HERC1: variants seen among roughly 807,000 people sequenced by gnomAD.
HERC1 encodes the protein HECT and RLD domain containing E3 ubiquitin protein ligase family member 1.
A neutral mutation model predicts 554.3 loss-of-function variants in HERC1; 160 were observed. The ratio of observed to expected loss-of-function variants is 0.29; its 90% CI spans 0.25 to 0.33. The LOEUF (loss-of-function observed/expected upper bound fraction) is 0.33, where lower values mean the gene tolerates loss of function less well. Ranked by LOEUF, HERC1 falls within the 10% of genes least tolerant of loss-of-function variation. The probability of loss-of-function intolerance (pLI) is 1.00; values close to 1 mark genes in which losing one functional copy is unlikely to be tolerated. For synonymous variants in HERC1, 2,175 were observed against 2,131.7 expected (o/e 1.02, Z -0.56); for missense variants, 4,919 against 5,918.5 (o/e 0.83, Z 5.54).
At chr15:63,652,907 C>T (rs994993520) in intron 51 of HERC1, among the ~76,000 whole-genome samples, 5 of 152,180 alleles carry the variant, frequency 3.3e-5, no homozygotes, top group Non-Finnish European at 7.3e-5. Context: ...ACCTCAGCCT[C>T]TCAAAATTCT....
chr15:63,795,677 C>A (rs1298162503), intron 1 of HERC1, among the ~76,000 whole-genome samples: 1 of 152,190 alleles, frequency 6.6e-6, no homozygotes, highest in Non-Finnish European at 1.5e-5. Context: ...CATTTTTATA[C>A]TTTCTGCAGA....
intron 22 of HERC1, 177 bp from the exon 23 acceptor site, chr15:63,713,842 T>A (rs8025503): frequency 1.9e-6 from 1 of 529,674 alleles, no homozygotes; most frequent in African/African-American, 1.9e-5. Context: ...TAAAATATAC[T>A]AAAATACTAT....
Position 63,686,263 on chromosome 15 carries a change from G to C in HERC1, c.6225+96C>G, listed in dbSNP as rs546789776. The stretch of plus-strand genomic sequence containing the variant: ...TAATAATAGAACATTTACATATCAC[G>C]ATTTTTTTTCAGTCTTTCTACACAT... On this transcript the variant is annotated intron_variant, in intron 34 of 77. Transcript: ENST00000443617. 4.6e-6 allele frequency: 4 copies of C among 867,870 alleles called. No homozygotes were observed. In the African/African-American group the frequency reaches 5.1e-5, roughly 11 times the overall value. 53.8% of individuals were successfully genotyped at this position (867,870 alleles called of 1,614,324 possible).
intron 12 of HERC1, among the ~76,000 whole-genome samples, chr15:63,743,150 T>C (rs1359987799): frequency 6.6e-6 from 1 of 152,124 alleles, no homozygotes; most frequent in Non-Finnish European, 1.5e-5. Context: ...CAACAACTCT[T>C]TGACTTGCCC....
At chr15:63,743,905 T>C (rs1419187855) in intron 12 of HERC1, among the ~76,000 whole-genome samples, 1 of 152,250 alleles carries the variant, frequency 6.6e-6, no homozygotes, top group African/African-American at 2.4e-5. Flanking sequence ...TAGTCTTCAC[T>C]GTCTGGGCTT....
rs1299859354 is a variant in HERC1, at chr15:63,746,915, T to G, written c.2520+3A>C. On this transcript the variant is annotated splice_donor_region_variant and intron_variant, in intron 12 of 77. Coordinates refer to ENST00000443617, the MANE Select transcript of HERC1 (RefSeq NM_003922.4). ...TACAGATTCACAAGTCCTATTCTCT[T>G]ACCTCTTGGATTTCATCTGGGACAG... 6.4e-7 allele frequency: 1 copy of G among 1,551,694 alleles called. No individual in the cohort carries two copies. Among genetic ancestry groups the G allele is most frequent in the Non-Finnish European group, 8.7e-7 (1 of 1,146,844 alleles).
intron 74 of HERC1, among the ~76,000 whole-genome samples, chr15:63,618,110 G>A (rs996080384): frequency 4.6e-5 from 7 of 152,002 alleles, no homozygotes; most frequent in Non-Finnish European, 8.8e-5. Flanking sequence ...TAATGCCTAG[G>A]CTTTCTTCTA....
intron 1 of HERC1, among the ~76,000 whole-genome samples, chr15:63,793,905 G>A (rs2076730649): frequency 6.6e-6 from 1 of 152,162 alleles, no homozygotes; most frequent in African/African-American, 2.4e-5. Context: ...CTAAGCCACA[G>A]GATGAGATAG....
chr15:63,657,738 A>G (rs1428523168), intron 48 of HERC1, among the ~76,000 whole-genome samples: 4 of 152,166 alleles, frequency 2.6e-5, no homozygotes, highest in Non-Finnish European at 5.9e-5. Flanking sequence ...GTTACCTTCA[A>G]TAAACTTTAT....
intron 22 of HERC1, among the ~76,000 whole-genome samples, chr15:63,714,185 G>C (rs2073432833): frequency 6.6e-6 from 1 of 151,746 alleles, no homozygotes; most frequent in Non-Finnish European, 1.5e-5. Flanking sequence ...TGTGAAAAAT[G>C]TGAGGTTTCA....
At chr15:63,663,341 A>T (rs756213043) in intron 43 of HERC1, 137 bp from the exon 44 acceptor site, 26 of 693,030 alleles carry the variant, frequency 3.8e-5, no homozygotes, top group Non-Finnish European at 5.9e-5. Context: ...TAAAACATCA[A>T]ATTATACCTA....
At chr15:63,755,162 G>A (rs2075381129) in intron 6 of HERC1, 67 bp downstream of exon 6, 8 of 1,080,560 alleles carry the variant, frequency 7.4e-6, no homozygotes, top group East Asian at 5.0e-5. Context: ...CTGCTCTCAC[G>A]GCTTCTCAGT....
intron 19 of HERC1, among the ~76,000 whole-genome samples, chr15:63,721,986 G>C (rs1333910221): frequency 6.6e-6 from 1 of 152,058 alleles, no homozygotes; most frequent in Non-Finnish European, 1.5e-5. Flanking sequence ...TTAGCCTCCC[G>C]AGTAGCTGGG....
intron 25 of HERC1, among the ~76,000 whole-genome samples, chr15:63,706,227 T>C (rs2072998681): frequency 6.6e-6 from 1 of 152,094 alleles, no homozygotes; most frequent in African/African-American, 2.4e-5. Context: ...TTGTTCCTCA[T>C]GAAATTTTTA....
intron 24 of HERC1, among the ~76,000 whole-genome samples, chr15:63,710,430 C>A (rs2073235048): frequency 6.6e-6 from 1 of 152,042 alleles, no homozygotes; most frequent in African/African-American, 2.4e-5. Flanking sequence ...GGAAATTTTG[C>A]CAAAATAGAT....
chr15:63,793,689 C>T (rs1299385611), intron 1 of HERC1, among the ~76,000 whole-genome samples: 1 of 152,184 alleles, frequency 6.6e-6, no homozygotes, highest in Non-Finnish European at 1.5e-5. Flanking sequence ...TGGACTCGCC[C>T]TGAATTCTTT....
In HERC1 at chr15:63,730,026, C is replaced by CA. The variant is rs57121923; in HGVS notation, c.2869-378dup. On this transcript the variant is annotated intron_variant, in intron 14 of 77. Coordinates refer to ENST00000443617, the MANE Select transcript of HERC1 (RefSeq NM_003922.4). ...GGGCGACAAGAGTGAAACTATGTCT[C>CA]AAAAAAAAAAAAAAAAAAAAAGCAT... is the stretch of plus-strand genomic sequence containing the variant. Among the ~76,000 whole-genome samples the CA allele has an allele frequency of 6.4e-3, 459 of 71,436 alleles. 5 individuals are homozygous for CA. The highest frequency in any genetic ancestry group is 0.06 in the East Asian group (95 of 1,578). The allele number at this position is 71,436 out of a possible 152,430, so 46.9% of individuals were successfully genotyped here. A position where few individuals can be genotyped will look rare whatever the true frequency, so the allele number is the denominator to read the frequency against.
intron 1 of HERC1, among the ~76,000 whole-genome samples, chr15:63,798,365 A>G (rs943782040): frequency 2.0e-5 from 3 of 152,118 alleles, no homozygotes; most frequent in African/African-American, 4.8e-5. Flanking sequence ...CCTCTTTACA[A>G]TCAGGAATTA....
chr15:63,655,119 C>T (rs80251214), intron 50 of HERC1, among the ~76,000 whole-genome samples: 17,427 of 151,922 alleles, frequency 0.11, 1,066 homozygotes, highest in Middle Eastern at 0.15. Context: ...TTTGGGAGGT[C>T]GAGGTGGGAG....
Sources: allele counts gnomAD v4.1 joint callset (sites outside exome capture counted in the v4.1 genomes callset), GRCh38; gene constraint gnomAD v4.1.1; transcripts MANE v1.5; gene names NCBI Gene and HGNC (gene_info 2026-07-23, HGNC 2026-07-21).